Variants in GIMAP8 observed in about 807,000 individuals in gnomAD.
GIMAP8 encodes the protein GTPase, IMAP family member 8.
In GIMAP8, 29 loss-of-function variants were observed where a neutral mutation model predicts 35.6. The ratio of observed to expected loss-of-function variants is 0.81; its 90% CI spans 0.61 to 1.11. The LOEUF is 1.11. GIMAP8 is among the 50% of genes most tolerant of loss of function. The pLI, the probability that GIMAP8 is intolerant of heterozygous loss-of-function variation, is 0.00. For synonymous variants in GIMAP8, 335 were observed against 308.7 expected, an observed-to-expected ratio of 1.09 and a Z score of -0.89; for missense variants, 811 against 805.0, an observed-to-expected ratio of 1.01 and a Z score of -0.09.
chr7:150,453,595 G>A (rs951117313), intron 1 of GIMAP8, among the ~76,000 whole-genome samples: 5 of 152,244 alleles, frequency 3.3e-5, no homozygotes, highest in South Asian at 2.1e-4. Flanking sequence ...CGGCGTATCT[G>A]CTGCATTTTG....
rs534907419 is a variant in GIMAP8 at position 150,474,644 on chromosome 7, A to G, written c.1309+6A>G. ...TTGTGTTTTCAGAGAAAAAGGTAAA[A>G]CTGTGAATAGGATATATATTTTTAC... On this transcript the variant is annotated splice_donor_region_variant and intron_variant, in intron 4 of 4. Transcript: ENST00000307271. 20 of 1,556,366 alleles carry G rather than the reference A, an allele frequency of 1.3e-5. No homozygotes were observed. In the African/African-American group the frequency reaches 2.6e-4, roughly 20 times the overall value.
At chr7:150,464,539 T>G (rs1378203327) in intron 1 of GIMAP8, among the ~76,000 whole-genome samples, 1 of 151,882 alleles carries the variant, frequency 6.6e-6, no homozygotes, top group East Asian at 1.9e-4. Context: ...AAAAAATTAG[T>G]TGGGCATGGT....
At chr7:150,452,337 A>G (rs1801625748) in intron 1 of GIMAP8, among the ~76,000 whole-genome samples, 1 of 148,490 alleles carries the variant, frequency 6.7e-6, no homozygotes, top group Non-Finnish European at 1.5e-5. Flanking sequence ...GTGTGTGTGT[A>G]GGTCCTGACA....
At chr7:150,454,768 C>G (rs1585110587) in intron 1 of GIMAP8, among the ~76,000 whole-genome samples, 1 of 152,312 alleles carries the variant, frequency 6.6e-6, no homozygotes, top group Non-Finnish European at 1.5e-5. Context: ...TAGTAGATGT[C>G]TCAATACATT....
rs953596886 is a variant in GIMAP8, at chr7:150,475,615, G to A, written c.1309+977G>A. 5.3e-5 allele frequency among the ~76,000 whole-genome samples: 8 copies of A among 152,240 alleles called. No individual in the cohort carries two copies. In the East Asian group the frequency reaches 1.5e-3, roughly 29 times the overall value. On this transcript the variant is annotated intron_variant, in intron 4 of 4. Transcript: ENST00000307271. ...TACACGTTCAGTTGACCTATGCTGA[G>A]GTCCTTCCCATTCTTACTCATCCCG...
chr7:150,452,109 G>A (rs903524411), intron 1 of GIMAP8, among the ~76,000 whole-genome samples: 2 of 152,198 alleles, frequency 1.3e-5, no homozygotes, highest in Admixed American at 1.3e-4. Context: ...TGAATTATAG[G>A]AAGAACGCTC....
At chr7:150,471,992 C>A (rs1351419545) in intron 3 of GIMAP8, among the ~76,000 whole-genome samples, 2 of 152,168 alleles carry the variant, frequency 1.3e-5, no homozygotes, top group African/African-American at 2.4e-5. Flanking sequence ...TGAGCCTCAT[C>A]CTCATTTCAC....
At chr7:150,465,345 A>G (rs1351496228) in intron 1 of GIMAP8, among the ~76,000 whole-genome samples, 1 of 152,180 alleles carries the variant, frequency 6.6e-6, no homozygotes, top group Non-Finnish European at 1.5e-5. Context: ...AAGTTTTTAA[A>G]GAGAGGAACA....
chr7:150,469,226 A>C (rs1802036608), intron 2 of GIMAP8, among the ~76,000 whole-genome samples: 1 of 152,108 alleles, frequency 6.6e-6, no homozygotes, highest in Admixed American at 6.5e-5. Context: ...CTGCACTGAC[A>C]CTTGCTCTCC....
At chr7:150,471,335 C>T (rs962151847) in intron 3 of GIMAP8, among the ~76,000 whole-genome samples, 1 of 152,182 alleles carries the variant, frequency 6.6e-6, no homozygotes, top group East Asian at 1.9e-4. Flanking sequence ...TATAGATCTA[C>T]CTCCTTCCGT....
chr7:150,467,434 A>C (rs1202629455), intron 2 of GIMAP8, 100 bp downstream of exon 2: 3 of 942,028 alleles, frequency 3.2e-6, no homozygotes, highest in Admixed American at 4.9e-5. Flanking sequence ...GTGATGGAAC[A>C]TGGGTTTTGT....
rs781167323 is a variant in GIMAP8 at position 150,477,300 on chromosome 7, C to A, written c.1518C>A (p.Asp506Glu). The stretch of plus-strand genomic sequence containing the variant: ...ACCAGATGCTGGATGTCGAAAAGGA[C>A]CCATCCCGGTTAGAAGAGGAGGTCA... Reference protein sequence around the residue: ...SFNQMLDVEKDPSRLEEEVKR... With the variant: ...SFNQMLDVEKEPSRLEEEVKR... The change falls in exon 5 of 5, where the codon GAC becomes GAA. Residue 506 changes from aspartate to glutamate, a missense_variant. By Grantham distance (45) the Asp-to-Glu change is conservative. Coordinates refer to ENST00000307271, the MANE Select transcript of GIMAP8 (RefSeq NM_175571.4). 6.2e-7 allele frequency: 1 copy of A among 1,614,064 alleles called. No individual in the cohort carries two copies. The highest frequency in any genetic ancestry group is 1.1e-5 in the South Asian group (1 of 91,082).
rs776487804 is a variant in GIMAP8, at chr7:150,474,125, A to G, written c.796A>G (p.Ser266Gly). 11 of 1,614,224 alleles carry G rather than the reference A, an allele frequency of 6.8e-6. No individual in the cohort carries two copies. Among genetic ancestry groups the G allele is most frequent in the East Asian group, 6.7e-5 (3 of 44,886 alleles). ...RGAGKSAAGN[S>G]ILGRQAFQTG... ...TGCTGGAAAAAGTGCAGCAGGAAAC[A>G]GCATTCTGGGGAGGCAGGCCTTTCA... Residue 266 changes from serine (S) to glycine (G), a missense_variant, in exon 4 of 5, where the codon AGC becomes GGC. Transcript: ENST00000307271.
intron 1 of GIMAP8, among the ~76,000 whole-genome samples, chr7:150,462,038 G>A (rs1257079152): frequency 6.6e-6 from 1 of 152,194 alleles, no homozygotes; most frequent in East Asian, 1.9e-4. Context: ...AGTGTTTTGT[G>A]GGCAGGGGGT....
chr7:150,478,684 G>A lies in GIMAP8; in HGVS notation c.*904G>A, dbSNP rs1281401529. The A allele has an allele frequency of 6.6e-6, 1 of 152,178 alleles. No homozygotes were observed. Among genetic ancestry groups the A allele is most frequent in the Admixed American group, 6.5e-5 (1 of 15,280 alleles). The allele number at this position is 152,178 out of a possible 1,614,324, so 9.4% of individuals were successfully genotyped here. ...AATAATAATGGTTTAAAAACATCAG[G>A]GGCTTCCTGTATCTCCTGTCAGGAA... On this transcript the variant is annotated 3_prime_UTR_variant, in exon 5 of 5. Transcript: ENST00000307271.
At chr7:150,474,775 C>T (rs1443670019) in intron 4 of GIMAP8, 137 bp downstream of exon 4, 4 of 510,088 alleles carry the variant, frequency 7.8e-6, no homozygotes, top group African/African-American at 2.0e-5. Context: ...GCACATTGTG[C>T]AGGTTAGTTA....
chr7:150,459,921 A>AT (rs1372353875), intron 1 of GIMAP8, among the ~76,000 whole-genome samples: 4 of 152,246 alleles, frequency 2.6e-5, no homozygotes, highest in African/African-American at 9.6e-5. Context: ...GTCTATTTTG[A>AT]TAAGAACAAA....
intron 1 of GIMAP8, among the ~76,000 whole-genome samples, chr7:150,453,290 A>G (rs1179937070): frequency 6.6e-6 from 1 of 152,202 alleles, no homozygotes; most frequent in African/African-American, 2.4e-5. Context: ...CCCACCGGAA[A>G]TATTTTTCCC....
At chr7:150,459,692 TC>T (rs1801804385) in intron 1 of GIMAP8, among the ~76,000 whole-genome samples, 1 of 152,208 alleles carries the variant, frequency 6.6e-6, no homozygotes, top group African/African-American at 2.4e-5. Flanking sequence ...TTCCGCTCCT[TC>T]AGGATGGCAG....
Sources: allele counts gnomAD v4.1 joint callset (sites outside exome capture counted in the v4.1 genomes callset), GRCh38; gene constraint gnomAD v4.1.1; transcripts MANE v1.5; gene names NCBI Gene and HGNC (gene_info 2026-07-23, HGNC 2026-07-21).